Variants in ITGA1 observed in about 807,000 individuals in gnomAD.
ITGA1 encodes integrin alpha-1.
A neutral mutation model predicts 145.9 loss-of-function variants in ITGA1; 85 were observed. The observed-to-expected ratio is 0.58, with a 90% CI of 0.49 to 0.70. ITGA1 has a LOEUF of 0.70. ITGA1 is among the 30% of genes least tolerant of loss of function. ITGA1 has a pLI of 0.00. For synonymous variants in ITGA1, 520 were observed against 495.3 expected (o/e 1.05, Z -0.66); for missense variants, 1,351 against 1,418.7 (o/e 0.95, Z 0.77).
At position 52,931,149 on chromosome 5, in the gene ITGA1, T is replaced by A. The variant is rs1351787448; in HGVS notation, c.2772-898T>A. 3 of 152,310 alleles carry A rather than the reference T, an allele frequency of 2.0e-5. No individual in the cohort carries two copies. In the East Asian group the frequency reaches 5.8e-4, roughly 29 times the overall value. The allele number at this position is 152,310 out of a possible 1,614,324, so 9.4% of individuals were successfully genotyped here. ...GTGAGACAATATGTTAGGTGCTTGG[T>A]CAGTTGGTGGAGGGGTATGTGTAAA... On this transcript the variant is annotated intron_variant, in intron 21 of 28. Coordinates refer to ENST00000282588, the MANE Select transcript of ITGA1 (RefSeq NM_181501.2).
chr5:52,891,125 T>A (rs1470637144), intron 8 of ITGA1, among the ~76,000 whole-genome samples: 2 of 152,310 alleles, frequency 1.3e-5, no homozygotes, highest in Middle Eastern at 3.4e-3. Flanking sequence ...AATCCATTCA[T>A]CCATTGATCC....
rs1360542870 is a variant in ITGA1 at position 52,858,127 on chromosome 5, TG to T, written c.183-3319del. 5.9e-5 allele frequency among the ~76,000 whole-genome samples: 9 copies of T among 152,360 alleles called. No individual in the cohort carries two copies. The East Asian group carries it at 1.7e-3, about 29-fold the overall frequency. On this transcript the variant is annotated intron_variant, in intron 2 of 28. Transcript: ENST00000282588. Reference sequence around the variant, plus strand: ...ATATCTTGTCATTTGACTCTAATTTTGTTCCTCTTCAATTTACTTATGACAC... The same window carrying T: ...ATATCTTGTCATTTGACTCTAATTTTTTCCTCTTCAATTTACTTATGACAC...
At chr5:52,910,929 ATATG>A (rs1188767766) in intron 14 of ITGA1, among the ~76,000 whole-genome samples, 1 of 138,524 alleles carries the variant, frequency 7.2e-6, no homozygotes, top group Non-Finnish European at 1.5e-5. Flanking sequence ...TATATAGTAT[ATATG>A]GTATGTATAC....
At position 52,861,179 on chromosome 5, in the gene ITGA1, AC is replaced by A. The variant is rs551372365; in HGVS notation, c.183-267del. 3.8e-3 allele frequency among the ~76,000 whole-genome samples: 578 copies of A among 152,298 alleles called. 4 individuals are homozygous for A. Among genetic ancestry groups the A allele is most frequent in the South Asian group, 8.3e-3 (40 of 4,832 alleles). ...TATACACACACATATACATGTATAT[AC>A]ACACATATATATGTATATACACACA... On this transcript the variant is annotated intron_variant, in intron 2 of 28. Transcript: ENST00000282588.
chr5:52,890,464 GCAC>G (rs1447036388), intron 8 of ITGA1, among the ~76,000 whole-genome samples: 2 of 152,180 alleles, frequency 1.3e-5, no homozygotes, highest in African/African-American at 4.8e-5. Flanking sequence ...TGAAAAGTGT[GCAC>G]GAAGTGAACA....
Position 52,939,368 on chromosome 5 carries a change from AAT to A in ITGA1, c.3079-221_3079-220del, listed in dbSNP as rs577200570. Among the ~76,000 whole-genome samples the A allele has an allele frequency of 1.5e-3, 235 of 152,322 alleles. 1 individual carries two copies. Among genetic ancestry groups the A allele is most frequent in the Admixed American group, 3.3e-3 (51 of 15,304 alleles). On this transcript the variant is annotated intron_variant, in intron 24 of 28. Transcript: ENST00000282588. ...TTACAACCTCACTAGTTTCCATTAC[AAT>A]TCAAAAGTAGCATGGTAAGAGTACA...
chr5:52,914,480 C>CA (rs1750611609), intron 14 of ITGA1, among the ~76,000 whole-genome samples: 1 of 151,518 alleles, frequency 6.6e-6, no homozygotes, highest in African/African-American at 2.4e-5. Flanking sequence ...ACTAAAAATA[C>CA]AAAAAATTAG....
At chr5:52,796,877 A>G (rs1282868663) in intron 1 of ITGA1, among the ~76,000 whole-genome samples, 1 of 152,108 alleles carries the variant, frequency 6.6e-6, no homozygotes, top group Non-Finnish European at 1.5e-5. Flanking sequence ...GGAAGCAGGG[A>G]TGAAAGGAAG....
At chr5:52,917,323 G>A (rs1309511169) in intron 15 of ITGA1, among the ~76,000 whole-genome samples, 3 of 152,168 alleles carry the variant, frequency 2.0e-5, no homozygotes, top group Admixed American at 1.3e-4. Context: ...ATCAATAAGT[G>A]TTTAAAAGCA....
chr5:52,925,520 T>C (rs1750792757), intron 19 of ITGA1, 33 bp downstream of exon 19: 1 of 1,463,842 alleles, frequency 6.8e-7, no homozygotes. Context: ...ATTTGTTCTC[T>C]TAACATCATT....
chr5:52,911,203 T>C (rs1012087498), intron 14 of ITGA1, among the ~76,000 whole-genome samples: 4 of 136,526 alleles, frequency 2.9e-5, no homozygotes, highest in African/African-American at 1.1e-4. Context: ...ATATAGTATA[T>C]ATAATATATA....
intron 15 of ITGA1, among the ~76,000 whole-genome samples, chr5:52,916,233 G>A (rs893450282): frequency 2.0e-5 from 3 of 152,178 alleles, no homozygotes. Context: ...CTGTTTGAAA[G>A]AAATTACTAG....
At chr5:52,912,441 A>G (rs1449178345) in intron 14 of ITGA1, among the ~76,000 whole-genome samples, 1 of 145,820 alleles carries the variant, frequency 6.9e-6, no homozygotes, top group East Asian at 2.0e-4. Flanking sequence ...TATTATATAT[A>G]GTGTATCCAC....
chr5:52,905,261 G>A (rs1371375981), intron 11 of ITGA1: 2 of 152,256 alleles, frequency 1.3e-5, no homozygotes, highest in South Asian at 2.1e-4. Context: ...GTTTTATCGG[G>A]AAATGGCCAT....
chr5:52,801,295 A>T (rs1748475450), intron 1 of ITGA1: 2 of 1,139,664 alleles, frequency 1.8e-6, no homozygotes, highest in Non-Finnish European at 2.5e-6. Context: ...TATGGAGTAA[A>T]CTTCGCTGAA....
chr5:52,932,184 T>G (rs756459491), intron 22 of ITGA1, 48 bp downstream of exon 22: 4 of 1,210,534 alleles, frequency 3.3e-6, no homozygotes, highest in Non-Finnish European at 3.6e-6. Flanking sequence ...ATTAACCCAG[T>G]GGTTCTGAAA....
chr5:52,802,649 T>C (rs566206855), intron 1 of ITGA1: 1 of 152,356 alleles, frequency 6.6e-6, no homozygotes, highest in African/African-American at 2.4e-5. Context: ...ATTCCCAGTC[T>C]GGACTTTAGT....
At chr5:52,918,679 G>T in intron 15 of ITGA1, 53 bp from the exon 16 acceptor site, 1 of 1,557,972 alleles carries the variant, frequency 6.4e-7, no homozygotes, top group South Asian at 1.2e-5. Flanking sequence ...CCAAGTTGAT[G>T]ACATTCATTA....
At chr5:52,934,063 A>C (rs1210494891) in intron 23 of ITGA1, 67 bp downstream of exon 23, 1 of 509,596 alleles carries the variant, frequency 2.0e-6, no homozygotes, top group African/African-American at 2.0e-5. Context: ...TAAAGTATTA[A>C]CAGACACATA....
Sources: gnomAD v4.1 joint callset for allele counts (sites outside exome capture counted in the v4.1 genomes callset) on GRCh38, gnomAD v4.1.1 for gene constraint, MANE v1.5 for transcripts, NCBI Gene and HGNC (gene_info 2026-07-23, HGNC 2026-07-21) for gene names.